The following NFIB variants were observed in gnomAD, a reference collection of about 807,000 sequenced individuals.
NFIB encodes the protein nuclear factor 1 B-type.
In NFIB, 11 loss-of-function variants were observed where a neutral mutation model predicts 61.5. That is an observed-to-expected ratio of 0.18 (90% CI 0.11 to 0.30). NFIB has a LOEUF of 0.30. Ranked by LOEUF, NFIB falls within the 10% of genes least tolerant of loss-of-function variation. The pLI, the probability that NFIB is intolerant of heterozygous loss-of-function variation, is 1.00. For synonymous variants in NFIB, 260 were observed against 216.5 expected, an observed-to-expected ratio of 1.20 and a Z score of -1.76; for missense variants, 471 against 608.9, an observed-to-expected ratio of 0.77 and a Z score of 2.38.
chr9:14,116,351 A>G lies in NFIB; in HGVS notation c.1246-5T>C. 1 of 1,495,462 alleles carries G rather than the reference A, an allele frequency of 6.7e-7. No individual in the cohort carries two copies. Among genetic ancestry groups the G allele is most frequent in the South Asian group, 1.3e-5 (1 of 74,160 alleles). 92.6% of individuals were successfully genotyped at this position (1,495,462 alleles called of 1,614,324 possible). On this transcript the variant is annotated splice_polypyrimidine_tract_variant and splice_region_variant and intron_variant, in intron 8 of 10. Transcript: ENST00000380953. Reference sequence around the variant, plus strand: ...TACTTGACCACTGCCGTTAGGCTACAAAACAAAAACAGAATGCCGGGTGAA... The same window carrying G: ...TACTTGACCACTGCCGTTAGGCTACGAAACAAAAACAGAATGCCGGGTGAA...
At chr9:14,092,186 T>C (rs1228751185) in intron 10 of NFIB, among the ~76,000 whole-genome samples, 2 of 152,046 alleles carry the variant, frequency 1.3e-5, no homozygotes, top group African/African-American at 4.8e-5. Context: ...CCAAATTATG[T>C]CATTGCAGAA....
At chr9:14,321,800 C>CA (rs2060667284) in intron 1 of NFIB, 2 of 1,053,372 alleles carry the variant, frequency 1.9e-6, no homozygotes, top group East Asian at 6.5e-5. Flanking sequence ...ACCTGTAAAA[C>CA]AAAAATGACA....
At chr9:14,212,637 G>GAA (rs35209592) in intron 2 of NFIB, among the ~76,000 whole-genome samples, 252 of 145,590 alleles carry the variant, frequency 1.7e-3, no homozygotes, top group African/African-American at 3.2e-3. Flanking sequence ...ATTCCTCTGG[G>GAA]AAAAAAAAAA....
At chr9:14,204,469 G>A in intron 2 of NFIB, 1 of 1,043,100 alleles carries the variant, frequency 9.6e-7, no homozygotes, top group South Asian at 1.3e-5. Context: ...ATAAGCGACT[G>A]AAAATGCCTC....
upstream of NFIB, among the ~76,000 whole-genome samples, chr9:14,399,636 TG>T: frequency 6.6e-6 from 1 of 152,322 alleles, no homozygotes; most frequent in East Asian, 1.9e-4. Flanking sequence ...TACTTAGATT[TG>T]ATTTTAAAAT....
chr9:14,225,216 T>C (rs1377162857), intron 2 of NFIB, among the ~76,000 whole-genome samples: 1 of 152,172 alleles, frequency 6.6e-6, no homozygotes, highest in Non-Finnish European at 1.5e-5. Context: ...TTGCTTTGGA[T>C]ATCCAAGAAT....
At chr9:14,296,830 G>C (rs2059473458) in intron 2 of NFIB, among the ~76,000 whole-genome samples, 1 of 152,176 alleles carries the variant, frequency 6.6e-6, no homozygotes, top group Non-Finnish European at 1.5e-5. Flanking sequence ...AGGCAGAAGG[G>C]GGATATGCTG....
chr9:14,205,930 AACACACAC>A (rs112967996), intron 2 of NFIB, among the ~76,000 whole-genome samples: 1 of 148,682 alleles, frequency 6.7e-6, no homozygotes, highest in Non-Finnish European at 1.5e-5. Flanking sequence ...TCACCTGAAA[AACACACAC>A]ACACACACAC....
chr9:14,469,772 C>G, the NFIB span, among the ~76,000 whole-genome samples: 2 of 152,174 alleles, frequency 1.3e-5, no homozygotes, highest in Non-Finnish European at 2.9e-5. Flanking sequence ...TAATGGCTGT[C>G]CATCATGGTT....
intron 1 of NFIB, among the ~76,000 whole-genome samples, chr9:14,375,615 A>G (rs1257083658): frequency 2.0e-5 from 3 of 152,018 alleles, no homozygotes; most frequent in Admixed American, 6.6e-5. Flanking sequence ...CTGAGATTGC[A>G]CCACTGCACT....
At chr9:14,499,394 G>C in the NFIB span, among the ~76,000 whole-genome samples, 1 of 152,244 alleles carries the variant, frequency 6.6e-6, no homozygotes, top group East Asian at 1.9e-4. Flanking sequence ...CTCCCTTCCT[G>C]TGTGAGGTGG....
chr9:14,209,931 G>T (rs2050143825), intron 2 of NFIB, among the ~76,000 whole-genome samples: 1 of 151,696 alleles, frequency 6.6e-6, no homozygotes. Context: ...GCATTCACTT[G>T]GTGAGGGCTG....
chr9:14,213,600 T>C (rs1411404933), intron 2 of NFIB, among the ~76,000 whole-genome samples: 1 of 152,220 alleles, frequency 6.6e-6, no homozygotes. Flanking sequence ...CACAGTAACA[T>C]GGGAAACCGA....
Position 14,085,457 on chromosome 9 carries a change from T to C in NFIB, c.*2852A>G, listed in dbSNP as rs539651364. 8 of 221,164 alleles carry C rather than the reference T, an allele frequency of 3.6e-5. No individual in the cohort carries two copies. Among genetic ancestry groups the C allele is most frequent in the African/African-American group, 9.0e-5 (4 of 44,594 alleles). The allele number at this position is 221,164 out of a possible 1,614,324, so 13.7% of individuals were successfully genotyped here. On this transcript the variant is annotated 3_prime_UTR_variant, in exon 11 of 11. Coordinates refer to ENST00000380953, the MANE Select transcript of NFIB (RefSeq NM_001190737.2). ...CTCAGGGGAAACGAAATCAAATATATAGTTAAGGTACCATTCCTTAAAAAA... is the reference window on the plus strand; with the variant it reads ...CTCAGGGGAAACGAAATCAAATATACAGTTAAGGTACCATTCCTTAAAAAA...
rs578010459 is a variant in NFIB at position 14,396,717 on chromosome 9, T to C, written c.108+1807A>G. ...AAATTGCTCATTTGTTTCATTTCAC[T>C]GAAACTTTTCAAAGGAAGAAAAGAT... On this transcript the variant is annotated intron_variant, in intron 1 of 8. Transcript: ENST00000380934. 6.9e-4 allele frequency among the ~76,000 whole-genome samples: 105 copies of C among 152,318 alleles called. 1 individual carries two copies. The highest frequency in any genetic ancestry group is 2.8e-4 in the Non-Finnish European group (19 of 68,026).
At chr9:14,269,593 A>T (rs918697256) in intron 2 of NFIB, among the ~76,000 whole-genome samples, 1 of 152,234 alleles carries the variant, frequency 6.6e-6, no homozygotes, top group African/African-American at 2.4e-5. Context: ...ACAGCAATGC[A>T]CTGCACACAT....
chr9:14,383,640 C>T (rs2061514430), intron 1 of NFIB, among the ~76,000 whole-genome samples: 1 of 152,180 alleles, frequency 6.6e-6, no homozygotes, highest in Non-Finnish European at 1.5e-5. Context: ...TAACAGATCT[C>T]TTTTAAGACC....
At chr9:14,384,648 A>G (rs1449959229) in intron 1 of NFIB, among the ~76,000 whole-genome samples, 1 of 152,132 alleles carries the variant, frequency 6.6e-6, no homozygotes, top group Non-Finnish European at 1.5e-5. Context: ...TATCTATTTG[A>G]ATTTTGTTCT....
chr9:14,341,449 G>A (rs555188175), intron 1 of NFIB, among the ~76,000 whole-genome samples: 2 of 152,312 alleles, frequency 1.3e-5, no homozygotes, highest in Admixed American at 6.5e-5. Flanking sequence ...TATGTCATAA[G>A]TAGCAGAGGC....
Sources: allele counts gnomAD v4.1 joint callset (sites outside exome capture counted in the v4.1 genomes callset), GRCh38; gene constraint gnomAD v4.1.1; transcripts MANE v1.5; gene names NCBI Gene and HGNC (gene_info 2026-07-23, HGNC 2026-07-21).